LEMD1: variants seen among roughly 807,000 people sequenced by gnomAD.
LEMD1 encodes LEM domain containing 1, also known as LEM domain-containing protein 1.
In LEMD1, 18 loss-of-function variants were observed where a neutral mutation model predicts 17.4. The observed-to-expected ratio is 1.04, with a 90% CI of 0.72 to 1.54. The LOEUF (loss-of-function observed/expected upper bound fraction) is 1.54. Ranked by LOEUF, LEMD1 falls within the 40% of genes most tolerant of loss-of-function variation. The pLI, the probability that LEMD1 is intolerant of heterozygous loss-of-function variation, is 0.00. For synonymous variants in LEMD1, 88 were observed against 77.8 expected (o/e 1.13, Z -0.69); for missense variants, 195 against 210.4 (o/e 0.93, Z 0.45).
intron 4 of LEMD1, among the ~76,000 whole-genome samples, chr1:205,411,542 T>C (rs1191391374): frequency 1.7e-5 from 2 of 114,386 alleles, no homozygotes; most frequent in East Asian, 2.4e-4. Context: ...GGCCACAGAG[T>C]GAGACTCCGT....
intron 4 of LEMD1, among the ~76,000 whole-genome samples, chr1:205,397,342 C>T (rs563444823): frequency 1.3e-5 from 2 of 152,152 alleles, no homozygotes; most frequent in South Asian, 4.1e-4. Flanking sequence ...TCTATGTGGT[C>T]TTGGGCAAGT....
chr1:205,420,608 A>G (rs1277362584), intron 1 of LEMD1, 34 bp from the exon 2 acceptor site: 1 of 1,149,072 alleles, frequency 8.7e-7, no homozygotes, highest in Admixed American at 1.7e-5. Context: ...TCATTAAGAC[A>G]GCCTTACCAA....
intron 1 of LEMD1, among the ~76,000 whole-genome samples, chr1:205,438,700 C>T (rs891544161): frequency 6.6e-6 from 1 of 152,124 alleles, no homozygotes; most frequent in East Asian, 1.9e-4. Flanking sequence ...AAGGGGCTGC[C>T]GGCTTGGAGG....
At chr1:205,404,800 T>C (rs1007934121) in intron 4 of LEMD1, among the ~76,000 whole-genome samples, 7 of 152,310 alleles carry the variant, frequency 4.6e-5, no homozygotes, top group African/African-American at 1.4e-4. Flanking sequence ...CTAGTCTCGA[T>C]GGTCTTTACA....
intron 1 of LEMD1, among the ~76,000 whole-genome samples, chr1:205,443,202 GGGAA>G (rs1162897251): frequency 4.6e-5 from 7 of 152,122 alleles, no homozygotes; most frequent in Admixed American, 4.6e-4. Flanking sequence ...AGGCTAATCT[GGGAA>G]GGAACTCCCA....
At chr1:205,443,040 G>A (rs969119864) in intron 1 of LEMD1, among the ~76,000 whole-genome samples, 3 of 152,172 alleles carry the variant, frequency 2.0e-5, no homozygotes, top group Admixed American at 6.5e-5. Context: ...AACTTGATCC[G>A]GAAGGAGGGA....
intron 1 of LEMD1, among the ~76,000 whole-genome samples, chr1:205,439,334 G>C (rs1172086356): frequency 6.6e-6 from 1 of 152,224 alleles, no homozygotes; most frequent in African/African-American, 2.4e-5. Context: ...TGGGGGCTAG[G>C]AGGTAGGGGC....
upstream of LEMD1, among the ~76,000 whole-genome samples, chr1:205,425,138 T>C (rs1423061103): frequency 6.6e-6 from 1 of 152,150 alleles, no homozygotes; most frequent in Non-Finnish European, 1.5e-5. Flanking sequence ...CCATATGGAG[T>C]TTGGTCTACA....
At chr1:205,438,245 G>A (rs926659225) in intron 1 of LEMD1, among the ~76,000 whole-genome samples, 1 of 152,190 alleles carries the variant, frequency 6.6e-6, no homozygotes, top group East Asian at 1.9e-4. Flanking sequence ...TCAGTGCCAC[G>A]CAGCAAGAAC....
Position 205,441,337 on chromosome 1 carries a change from G to C in LEMD1, c.-39+8531C>G, listed in dbSNP as rs952649501. On this transcript the variant is annotated intron_variant, in intron 1 of 3. Transcript: ENST00000367154. The surrounding 1 kb of genome is among the most constrained non-coding windows in gnomAD (Gnocchi z 4.3). The stretch of plus-strand genomic sequence containing the variant: ...AAGGGAGGAAAGAGAATGCCCAGCT[G>C]CTGCCTCCTTTTTTCCCCTCCCACC... 1.3e-5 allele frequency among the ~76,000 whole-genome samples: 2 copies of C among 152,164 alleles called. No individual in the cohort carries two copies. Among genetic ancestry groups the C allele is most frequent in the Admixed American group, 6.5e-5 (1 of 15,270 alleles).
intron 1 of LEMD1, among the ~76,000 whole-genome samples, chr1:205,431,768 G>C: frequency 6.6e-6 from 1 of 152,084 alleles, no homozygotes; most frequent in East Asian, 1.9e-4. Context: ...CCAGGCTGGA[G>C]TGCAGTGGTG....
Position 205,394,367 on chromosome 1 carries a change from T to TTTAA in LEMD1, c.271-10007_271-10004dup, listed in dbSNP as rs139263580. 3.5e-3 allele frequency among the ~76,000 whole-genome samples: 518 copies of TTTAA among 149,736 alleles called. 4 individuals carry two copies. Among genetic ancestry groups the TTTAA allele is most frequent in the African/African-American group, 0.011 (435 of 40,620 alleles). On this transcript the variant is annotated intron_variant, in intron 4 of 5. Coordinates refer to ENST00000367153, the MANE Select transcript of LEMD1 (RefSeq NM_001199050.2). The stretch of plus-strand genomic sequence containing the variant: ...GATTGTGAACTGTATTATTTGTTTA[T>TTTAA]TTAATTAATTAATTAATTAATTAAT...
chr1:205,406,572 C>T (rs569365061), intron 4 of LEMD1, among the ~76,000 whole-genome samples: 9 of 152,306 alleles, frequency 5.9e-5, no homozygotes, highest in African/African-American at 1.2e-4. Context: ...GCGCAGTATT[C>T]GAGTGGGAGT....
chr1:205,427,517 GAGAC>G (rs1558739475), intron 1 of LEMD1, among the ~76,000 whole-genome samples: 13 of 152,256 alleles, frequency 8.5e-5, no homozygotes, highest in African/African-American at 2.2e-4. Flanking sequence ...GACAGAGAGA[GAGAC>G]AGACAGAGCG....
At position 205,418,672 on chromosome 1, in the gene LEMD1, C is replaced by T. The variant is rs183419866; in HGVS notation, c.205+558G>A. On this transcript the variant is annotated intron_variant, in intron 3 of 5. Transcript: ENST00000367153. ...CTGGGATTACAGGTGCGTGCCATCA[C>T]GCCCAGCTAATTTTTGTATTTTTAG... Among the ~76,000 whole-genome samples the T allele has an allele frequency of 1.1e-4, 17 of 152,242 alleles. No homozygotes were observed. In the East Asian group the frequency reaches 1.9e-3, roughly 17 times the overall value.
At chr1:205,429,736 C>T (rs1297434013) in intron 1 of LEMD1, among the ~76,000 whole-genome samples, 4 of 151,754 alleles carry the variant, frequency 2.6e-5, no homozygotes, top group African/African-American at 7.3e-5. Flanking sequence ...CTGTCCTTGC[C>T]GCACCTTACC....
At position 205,441,248 on chromosome 1, in the gene LEMD1, C is replaced by T. The variant is rs1666290008; in HGVS notation, c.-39+8620G>A. 6.6e-6 allele frequency among the ~76,000 whole-genome samples: 1 copy of T among 152,146 alleles called. No individual in the cohort carries two copies. The highest frequency in any genetic ancestry group is 2.4e-5 in the African/African-American group (1 of 41,426). On this transcript the variant is annotated intron_variant, in intron 1 of 3. Transcript: ENST00000367154. This position sits in a 1 kb window ranked among gnomAD's most constrained non-coding sequence, Gnocchi z 4.3. ...GCCTCTAAACAACAGCTCTTTGAAA[C>T]CTCAGTGTTTCCTGATCTGTGTGGA...
chr1:205,381,598 T>A lies in LEMD1; in HGVS notation c.*60A>T, dbSNP rs1663694988. 1 of 1,532,934 alleles carries A rather than the reference T, an allele frequency of 6.5e-7. No homozygotes were observed. Among genetic ancestry groups the A allele is most frequent in the East Asian group, 2.2e-5 (1 of 44,472 alleles). 95.0% of individuals were successfully genotyped at this position (1,532,934 alleles called of 1,614,324 possible). On this transcript the variant is annotated 3_prime_UTR_variant, in exon 6 of 6. Transcript: ENST00000367153. ...GCTAGGCTGGCCCTTCAGGGTAGTG[T>A]TTTGGTTCTTTCCTGAAGCAGGAGG...
Position 205,415,727 on chromosome 1 carries a change from A to G in LEMD1, c.270+505T>C, listed in dbSNP as rs1665664333. ...TTAGATCTGTTCACTGACTTCCCCA[A>G]AATCACGCTTCCAGGAAGCTGAGGG... On this transcript the variant is annotated intron_variant, in intron 4 of 5. Coordinates refer to ENST00000367153, the MANE Select transcript of LEMD1 (RefSeq NM_001199050.2). Among the ~76,000 whole-genome samples, 3 of 152,160 alleles carry G rather than the reference A, an allele frequency of 2.0e-5. No homozygotes were observed. The South Asian group carries it at 6.2e-4, about 32-fold the overall frequency.
Sources: allele counts gnomAD v4.1 joint callset (sites outside exome capture counted in the v4.1 genomes callset), GRCh38; gene constraint gnomAD v4.1.1; non-coding constraint Gnocchi (gnomAD v3.1); transcripts MANE v1.5; gene names NCBI Gene and HGNC (gene_info 2026-07-23, HGNC 2026-07-21).